The following SNX29 variants were observed in gnomAD, a reference collection of about 807,000 sequenced individuals.
SNX29 encodes sorting nexin 29.
A neutral mutation model predicts 102.1 loss-of-function variants in SNX29; 78 were observed. That is an observed-to-expected ratio of 0.76 (90% CI 0.64 to 0.92). The LOEUF (loss-of-function observed/expected upper bound fraction) is 0.92, where lower values mean the gene tolerates loss of function less well. SNX29 is among the 40% of genes least tolerant of loss of function. SNX29 has a pLI of 0.00. For synonymous variants in SNX29, 580 were observed against 414.5 expected (o/e 1.40, Z -4.85); for missense variants, 1,280 against 1,061.7 (o/e 1.21, Z -2.86).
intron 18 of SNX29, among the ~76,000 whole-genome samples, chr16:12,473,449 C>CT (rs748654485): frequency 5.9e-5 from 9 of 152,160 alleles, no homozygotes; most frequent in Non-Finnish European, 1.2e-4. Context: ...GAGGCAAGGG[C>CT]TTCTGGTCCC....
chr16:12,190,733 C>T (rs1400613575), intron 13 of SNX29, among the ~76,000 whole-genome samples: 1 of 152,132 alleles, frequency 6.6e-6, no homozygotes, highest in Non-Finnish European at 1.5e-5. Context: ...GATGTCTCAG[C>T]TGCTCTGGGA....
At chr16:12,545,404 C>G (rs1418050895) in intron 20 of SNX29, 3 of 152,228 alleles carry the variant, frequency 2.0e-5, no homozygotes, top group Non-Finnish European at 2.9e-5. Flanking sequence ...CGCTTCCTAA[C>G]CGGGTCCTGC....
At chr16:12,537,138 A>G (rs1011215474) in intron 20 of SNX29, among the ~76,000 whole-genome samples, 1 of 152,168 alleles carries the variant, frequency 6.6e-6, no homozygotes, top group African/African-American at 2.4e-5. Context: ...AATGGATCTC[A>G]GAGGCTGGGA....
chr16:12,069,014 G>T (rs777005005), intron 9 of SNX29, 43 bp from the exon 10 acceptor site: 1 of 1,578,020 alleles, frequency 6.3e-7, no homozygotes, highest in Non-Finnish European at 8.7e-7. Flanking sequence ...AGAACATGTA[G>T]TGAGAAAAGT....
intron 19 of SNX29, among the ~76,000 whole-genome samples, chr16:12,501,712 A>G (rs9635497): frequency 0.13 from 18,480 of 137,386 alleles, 1,376 homozygotes; most frequent in East Asian, 0.25. Flanking sequence ...GTGGCAGAGC[A>G]AGACACTGTC....
intron 19 of SNX29, among the ~76,000 whole-genome samples, chr16:12,497,611 C>G (rs1365627284): frequency 6.6e-6 from 1 of 152,200 alleles, no homozygotes; most frequent in Non-Finnish European, 1.5e-5. Context: ...CAGTCTCCTT[C>G]TCTTGTATTT....
intron 18 of SNX29, among the ~76,000 whole-genome samples, chr16:12,466,089 C>A (rs2087038840): frequency 2.0e-5 from 3 of 152,160 alleles, no homozygotes; most frequent in Non-Finnish European, 2.9e-5. Flanking sequence ...AAGAACAAAA[C>A]AACGATGTGT....
In SNX29 at chr16:12,034,241, T is replaced by A. The variant is rs543998430; in HGVS notation, c.247+6797T>A. Among the ~76,000 whole-genome samples the A allele has an allele frequency of 5.9e-5, 9 of 152,338 alleles. No individual in the cohort carries two copies. In the South Asian group the frequency reaches 1.7e-3, roughly 28 times the overall value. ...AATTAATTTTGGAGGAAGCTGCATG[T>A]GCCAGGGGAGCCCTGGGTCCATCCT... On this transcript the variant is annotated intron_variant, in intron 4 of 20. Coordinates refer to ENST00000566228, the MANE Select transcript of SNX29 (RefSeq NM_032167.5).
Position 12,356,298 on chromosome 16 carries a change from C to CTG in SNX29, c.1899+25_1899+26dup. On this transcript the variant is annotated intron_variant, in intron 16 of 20. Coordinates refer to ENST00000566228, the MANE Select transcript of SNX29 (RefSeq NM_032167.5). The stretch of plus-strand genomic sequence containing the variant: ...GGGACCGGTGAGTGTTTCCCCAACC[C>CTG]TGTGTGTCTGTCAAGCCTCTGCTGC... 3 of 1,572,952 alleles carry CTG rather than the reference C, an allele frequency of 1.9e-6. No individual in the cohort carries two copies. The highest frequency in any genetic ancestry group is 2.7e-5 in the African/African-American group (2 of 74,050).
chr16:12,064,182 G>C (rs771898613), intron 9 of SNX29, among the ~76,000 whole-genome samples: 1 of 152,190 alleles, frequency 6.6e-6, no homozygotes, highest in Non-Finnish European at 1.5e-5. Context: ...TTGCCGCTTA[G>C]CTGGGCCCCC....
chr16:12,349,202 T>C (rs1268600929), intron 15 of SNX29, among the ~76,000 whole-genome samples: 1 of 152,262 alleles, frequency 6.6e-6, no homozygotes. Context: ...GGTTATTTAT[T>C]TGTTGCCTGA....
chr16:12,155,522 T>C (rs1478115334), intron 13 of SNX29, among the ~76,000 whole-genome samples: 1 of 152,144 alleles, frequency 6.6e-6, no homozygotes, highest in Non-Finnish European at 1.5e-5. Context: ...GGCCGTTTTC[T>C]CAGGGCAATG....
chr16:12,029,628 G>C (rs1472520568), intron 4 of SNX29: 1 of 447,528 alleles, frequency 2.2e-6, no homozygotes, highest in African/African-American at 2.1e-5. Context: ...GCCTCACTCT[G>C]TTGCCCAGTC....
chr16:12,403,392 A>T (rs2084037798), intron 17 of SNX29, 56 bp from the exon 18 acceptor site: 11 of 1,499,886 alleles, frequency 7.3e-6, no homozygotes, highest in Admixed American at 6.2e-5. Flanking sequence ...TTTATTTTTT[A>T]TTTTTTTGTA....
intron 13 of SNX29, among the ~76,000 whole-genome samples, chr16:12,134,597 G>A (rs966393575): frequency 6.6e-6 from 1 of 152,210 alleles, no homozygotes; most frequent in Non-Finnish European, 1.5e-5. Context: ...GCGCACCCAA[G>A]ATGGAAGCCA....
At chr16:12,536,928 A>T (rs1052014777) in intron 20 of SNX29, among the ~76,000 whole-genome samples, 2 of 152,220 alleles carry the variant, frequency 1.3e-5, no homozygotes, top group African/African-American at 2.4e-5. Flanking sequence ...GTGAGCCGAG[A>T]TCACAGCACT....
intron 3 of SNX29, among the ~76,000 whole-genome samples, chr16:12,016,849 G>A (rs919779833): frequency 8.6e-5 from 13 of 151,938 alleles, no homozygotes; most frequent in Non-Finnish European, 1.9e-4. Flanking sequence ...TATACTGGCC[G>A]AACACAGTGG....
intron 15 of SNX29, among the ~76,000 whole-genome samples, chr16:12,353,542 G>A (rs1466921114): frequency 6.6e-6 from 1 of 152,186 alleles, no homozygotes; most frequent in Non-Finnish European, 1.5e-5. Flanking sequence ...AACTGATCAA[G>A]CCCAGGCCCA....
At chr16:12,225,974 C>T (rs1404120477) in intron 14 of SNX29, among the ~76,000 whole-genome samples, 1 of 152,128 alleles carries the variant, frequency 6.6e-6, no homozygotes, top group Non-Finnish European at 1.5e-5. Context: ...GGAAACTAGC[C>T]AGCATCCAGC....
Sources: gnomAD v4.1 joint callset for allele counts (sites outside exome capture counted in the v4.1 genomes callset) on GRCh38, gnomAD v4.1.1 for gene constraint, MANE v1.5 for transcripts, NCBI Gene and HGNC (gene_info 2026-07-23, HGNC 2026-07-21) for gene names.